The following PCP4 variants were observed in gnomAD, a reference collection of about 807,000 sequenced individuals.
The protein encoded by PCP4 is calmodulin regulator protein PCP4.
PCP4 carries 8 observed loss-of-function variants against 10.0 expected under a neutral mutation model. The observed-to-expected ratio is 0.80, with a 90% CI of 0.47 to 1.45. The LOEUF is 1.45. PCP4 is among the 40% of genes most tolerant of loss of function. The pLI is 0.00. For missense variants in PCP4, 54 were observed against 74.4 expected (o/e 0.73, Z 1.01); for synonymous variants, 21 against 23.0 (o/e 0.91, Z 0.24).
chr21:39,877,350 G>C (rs140384840), intron 1 of PCP4, among the ~76,000 whole-genome samples: 278 of 152,106 alleles, frequency 1.8e-3, no homozygotes, highest in Non-Finnish European at 2.3e-3. Context: ...GTCACACACA[G>C]AGAAGCTGAG....
intron 2 of PCP4, among the ~76,000 whole-genome samples, chr21:39,916,919 G>A (rs2087571037): frequency 6.6e-6 from 1 of 152,144 alleles, no homozygotes. Flanking sequence ...ATGCATGGGG[G>A]AGAACAATAC....
chr21:39,913,983 G>A (rs902256302), intron 2 of PCP4, among the ~76,000 whole-genome samples: 34 of 152,284 alleles, frequency 2.2e-4, no homozygotes, highest in African/African-American at 7.7e-4. Flanking sequence ...CAAGAAGGAC[G>A]CAGAAACGTG....
chr21:39,871,136 A>C (rs935323830), intron 1 of PCP4, among the ~76,000 whole-genome samples: 1 of 152,358 alleles, frequency 6.6e-6, no homozygotes, highest in South Asian at 2.1e-4. Flanking sequence ...GGGAGGCTAC[A>C]TGCAGTTAAC....
chr21:39,880,410 T>G (rs1482912965), intron 1 of PCP4, among the ~76,000 whole-genome samples: 1 of 152,182 alleles, frequency 6.6e-6, no homozygotes, highest in Non-Finnish European at 1.5e-5. Flanking sequence ...TAAAATGGAT[T>G]CAAAATCACT....
At chr21:39,923,353 G>A (rs2087606087) in intron 2 of PCP4, among the ~76,000 whole-genome samples, 1 of 152,202 alleles carries the variant, frequency 6.6e-6, no homozygotes, top group Non-Finnish European at 1.5e-5. Flanking sequence ...TGGTTACAGT[G>A]CAGCATTTTG....
At chr21:39,925,326 A>G (rs2087615327) in intron 2 of PCP4, among the ~76,000 whole-genome samples, 1 of 152,186 alleles carries the variant, frequency 6.6e-6, no homozygotes, top group Admixed American at 6.5e-5. Context: ...AATGGTTACC[A>G]AGGAGGGTAC....
intron 1 of PCP4, among the ~76,000 whole-genome samples, chr21:39,881,928 C>T (rs193175518): frequency 6.6e-6 from 1 of 152,310 alleles, no homozygotes; most frequent in Admixed American, 6.5e-5. Flanking sequence ...CCTCACATAG[C>T]TGTAACATGC....
At chr21:39,925,088 G>A in intron 2 of PCP4, among the ~76,000 whole-genome samples, 1 of 152,160 alleles carries the variant, frequency 6.6e-6, no homozygotes, top group East Asian at 1.9e-4. Context: ...AGCATTTCCT[G>A]AGGCTTTCCC....
rs537190648 is a variant in PCP4, at chr21:39,901,402, G to T, written c.61+2875G>T. Among the ~76,000 whole-genome samples the T allele has an allele frequency of 3.3e-5, 5 of 152,332 alleles. No individual in the cohort carries two copies. In the East Asian group the frequency reaches 9.6e-4, roughly 29 times the overall value. On this transcript the variant is annotated intron_variant, in intron 2 of 2. Transcript: ENST00000328619. ...ACCAGGCACATGGTGACGAAGCCAG[G>T]ACTAGGTCCTATGTGTTCGATGTCT...
intron 2 of PCP4, among the ~76,000 whole-genome samples, chr21:39,914,054 G>GCTC (rs1447854759): frequency 6.6e-6 from 1 of 152,254 alleles, no homozygotes; most frequent in African/African-American, 2.4e-5. Flanking sequence ...AAATCAGACA[G>GCTC]CACCAAAGAG....
Position 39,888,733 on chromosome 21 carries a change from CAG to C in PCP4, c.10-9742_10-9741del, listed in dbSNP as rs1301655409. 2.6e-5 allele frequency among the ~76,000 whole-genome samples: 4 copies of C among 152,326 alleles called. No homozygotes were observed. In the East Asian group the frequency reaches 7.7e-4, roughly 29 times the overall value. On this transcript the variant is annotated intron_variant, in intron 1 of 2. Coordinates refer to ENST00000328619, the MANE Select transcript of PCP4 (RefSeq NM_006198.3). ...AGGCTGTGAGCCACCAAAGTGGAAG[CAG>C]TGGGTCCCTTCTGCTTGGGACCCTC...
chr21:39,874,536 A>G (rs747117127), intron 1 of PCP4, among the ~76,000 whole-genome samples: 21 of 152,190 alleles, frequency 1.4e-4, no homozygotes, highest in Non-Finnish European at 2.8e-4. Context: ...CTCTGAGAAA[A>G]GGACTCCAGA....
At chr21:39,867,557 G>C (rs200119658) in intron 1 of PCP4, 47 bp downstream of exon 1, 4 of 1,585,876 alleles carry the variant, frequency 2.5e-6, no homozygotes, top group Non-Finnish European at 3.5e-6. Flanking sequence ...AGTGAGAAGG[G>C]ACCTCGGCTG....
At chr21:39,924,225 A>G (rs1467207110) in intron 2 of PCP4, among the ~76,000 whole-genome samples, 1 of 152,200 alleles carries the variant, frequency 6.6e-6, no homozygotes, top group Non-Finnish European at 1.5e-5. Flanking sequence ...CGCCATGCCC[A>G]GTACAGTGTG....
chr21:39,870,493 C>G (rs1245847640), intron 1 of PCP4, among the ~76,000 whole-genome samples: 1 of 152,168 alleles, frequency 6.6e-6, no homozygotes, highest in African/African-American at 2.4e-5. Context: ...TTCTTTCTCC[C>G]TCATCGTACT....
At chr21:39,871,898 T>C (rs1287881000) in intron 1 of PCP4, among the ~76,000 whole-genome samples, 6 of 152,224 alleles carry the variant, frequency 3.9e-5, no homozygotes, top group African/African-American at 1.4e-4. Context: ...TTATTGATTT[T>C]ATTAAAGGTT....
chr21:39,890,868 A>G (rs960602412), intron 1 of PCP4, among the ~76,000 whole-genome samples: 1 of 152,138 alleles, frequency 6.6e-6, no homozygotes, highest in African/African-American at 2.4e-5. Flanking sequence ...TTCACAAGGA[A>G]GAATAGTAGA....
At chr21:39,897,063 T>C (rs1439111527) in intron 1 of PCP4, among the ~76,000 whole-genome samples, 1 of 152,164 alleles carries the variant, frequency 6.6e-6, no homozygotes, top group African/African-American at 2.4e-5. Flanking sequence ...GGGCAAGTCA[T>C]GCTCCCTACC....
chr21:39,905,745 C>T (rs2087503977), intron 2 of PCP4, among the ~76,000 whole-genome samples: 1 of 152,108 alleles, frequency 6.6e-6, no homozygotes, highest in Admixed American at 6.5e-5. Flanking sequence ...CATCTATAGG[C>T]TTGCATAGTT....
Sources: gnomAD v4.1 joint callset for allele counts (sites outside exome capture counted in the v4.1 genomes callset) on GRCh38, gnomAD v4.1.1 for gene constraint, MANE v1.5 for transcripts, NCBI Gene and HGNC (gene_info 2026-07-23, HGNC 2026-07-21) for gene names.